The following NFAT5 variants were observed in gnomAD, a reference collection of about 807,000 sequenced individuals.
NFAT5 encodes nuclear factor of activated T cells 5, also known as nuclear factor of activated T-cells 5.
NFAT5 carries 31 observed loss-of-function variants against 166.5 expected under a neutral mutation model. That is an observed-to-expected ratio of 0.19 (90% CI 0.14 to 0.25). The LOEUF is 0.25. Ranked by LOEUF, NFAT5 falls within the 10% of genes least tolerant of loss-of-function variation. The pLI is 1.00. For missense variants in NFAT5, 1,449 were observed against 1,821.8 expected, an observed-to-expected ratio of 0.80 and a Z score of 3.72; for synonymous variants, 612 against 639.7, an observed-to-expected ratio of 0.96 and a Z score of 0.65.
At chr16:69,584,180 C>A (rs576835892) in intron 2 of NFAT5, among the ~76,000 whole-genome samples, 2 of 152,040 alleles carry the variant, frequency 1.3e-5, no homozygotes, top group Non-Finnish European at 2.9e-5. Context: ...GAGCTGAGAT[C>A]GTGCCACTGC....
intron 9 of NFAT5, among the ~76,000 whole-genome samples, chr16:69,676,546 A>G (rs555477933): frequency 6.6e-6 from 1 of 152,302 alleles, no homozygotes; most frequent in Non-Finnish European, 1.5e-5. Flanking sequence ...CTTTTATTCA[A>G]TATGTACCTT....
At chr16:69,653,134 C>A in intron 4 of NFAT5, 102 bp from the exon 5 acceptor site, 1 of 695,810 alleles carries the variant, frequency 1.4e-6, no homozygotes, top group Non-Finnish European at 2.3e-6. Context: ...GTTGTTTTTA[C>A]TATTATTGCC....
chr16:69,658,631 C>T (rs1305820374), intron 6 of NFAT5, among the ~76,000 whole-genome samples: 2 of 151,784 alleles, frequency 1.3e-5, no homozygotes, highest in Non-Finnish European at 2.9e-5. Context: ...AGTTCGAGAC[C>T]AACCTAGGCA....
chr16:69,672,542 C>T (rs2036665616), intron 9 of NFAT5, among the ~76,000 whole-genome samples: 1 of 152,168 alleles, frequency 6.6e-6, no homozygotes, highest in African/African-American at 2.4e-5. Context: ...TATTATAATT[C>T]TTCTGTGTTC....
At chr16:69,598,586 G>T (rs2032945509) in intron 2 of NFAT5, among the ~76,000 whole-genome samples, 1 of 152,080 alleles carries the variant, frequency 6.6e-6, no homozygotes, top group African/African-American at 2.4e-5. Context: ...TTGAAATTGA[G>T]ATGCTTATGG....
intron 2 of NFAT5, among the ~76,000 whole-genome samples, chr16:69,618,747 T>A (rs762477092): frequency 6.6e-5 from 10 of 152,200 alleles, no homozygotes; most frequent in Admixed American, 1.3e-4. Flanking sequence ...AGAGGTTTTT[T>A]TTAAAGTAAA....
rs1370787462 is a variant in NFAT5, at chr16:69,673,007, C to T, written c.1557+2719C>T. Among the ~76,000 whole-genome samples, 15 of 137,442 alleles carry T rather than the reference C, an allele frequency of 1.1e-4. No individual in the cohort carries two copies. In the East Asian group the frequency reaches 3.3e-3, roughly 30 times the overall value. 90.2% of individuals were successfully genotyped at this position (137,442 alleles called of 152,430 possible). A position where few individuals can be genotyped will look rare whatever the true frequency, so the allele number is the denominator to read the frequency against. ...ATTCATAAGTTATCCTCCCTCCCTA[C>T]CTCCATTTTTCTTTCTCTCTCTCTC... On this transcript the variant is annotated intron_variant, in intron 9 of 14. Coordinates refer to ENST00000349945, the MANE Select transcript of NFAT5 (RefSeq NM_138713.4).
intron 9 of NFAT5, among the ~76,000 whole-genome samples, chr16:69,671,849 G>A (rs966990984): frequency 5.3e-5 from 8 of 152,212 alleles, no homozygotes; most frequent in African/African-American, 1.9e-4. Flanking sequence ...AAGCAGGGAA[G>A]CTCACCCAAG....
At chr16:69,687,284 T>TA (rs987643744) in intron 11 of NFAT5, among the ~76,000 whole-genome samples, 27 of 151,850 alleles carry the variant, frequency 1.8e-4, no homozygotes, top group African/African-American at 6.5e-4. Context: ...CTACTAAAAA[T>TA]AAAAAAATTA....
chr16:69,593,251 G>A (rs181611390), intron 2 of NFAT5, among the ~76,000 whole-genome samples: 79 of 152,246 alleles, frequency 5.2e-4, no homozygotes, highest in Non-Finnish European at 9.3e-4. Flanking sequence ...ATAGTGAAAT[G>A]TCTAAGGAGG....
chr16:69,683,899 G>A (rs2037174755), intron 10 of NFAT5, among the ~76,000 whole-genome samples: 1 of 152,134 alleles, frequency 6.6e-6, no homozygotes, highest in Non-Finnish European at 1.5e-5. Context: ...AGGAGTTTGA[G>A]ACCAGCCTGG....
intron 2 of NFAT5, among the ~76,000 whole-genome samples, chr16:69,622,046 A>C (rs368863857): frequency 6.6e-6 from 1 of 152,224 alleles, no homozygotes; most frequent in South Asian, 2.1e-4. Flanking sequence ...AGACTGTAAA[A>C]GCATTTAATT....
chr16:69,666,438 A>T (rs1039575166), intron 7 of NFAT5, among the ~76,000 whole-genome samples: 3 of 151,470 alleles, frequency 2.0e-5, no homozygotes, highest in Non-Finnish European at 4.4e-5. Context: ...AAGGGCTAAT[A>T]TCCAGAATCT....
chr16:69,614,680 T>G (rs1046644969), intron 2 of NFAT5, among the ~76,000 whole-genome samples: 1 of 152,174 alleles, frequency 6.6e-6, no homozygotes, highest in Non-Finnish European at 1.5e-5. Context: ...GCTATCAAAA[T>G]AAAAATTAAC....
intron 2 of NFAT5, among the ~76,000 whole-genome samples, chr16:69,575,107 T>C (rs1328586909): frequency 6.6e-6 from 1 of 152,202 alleles, no homozygotes; most frequent in Non-Finnish European, 1.5e-5. Flanking sequence ...GTATTTAGTT[T>C]TGAAGATGAG....
intron 2 of NFAT5, among the ~76,000 whole-genome samples, chr16:69,625,780 C>T (rs1000188508): frequency 6.6e-6 from 1 of 151,902 alleles, no homozygotes; most frequent in Non-Finnish European, 1.5e-5. Flanking sequence ...ACTGGACCAT[C>T]TTGGGTTATT....
At chr16:69,649,427 T>G in intron 4 of NFAT5, 1 of 984,654 alleles carries the variant, frequency 1.0e-6, no homozygotes, top group Non-Finnish European at 1.2e-6. Flanking sequence ...CTGCTTCTAC[T>G]TTTGTATGAT....
At chr16:69,671,964 A>T (rs114806795) in intron 9 of NFAT5, among the ~76,000 whole-genome samples, 294 of 152,348 alleles carry the variant, frequency 1.9e-3, no homozygotes, top group African/African-American at 6.7e-3. Flanking sequence ...GTGTGTTCCA[A>T]AGCCTCTGTT....
chr16:69,589,434 A>G (rs1306190221), intron 2 of NFAT5, among the ~76,000 whole-genome samples: 1 of 152,216 alleles, frequency 6.6e-6, no homozygotes, highest in Non-Finnish European at 1.5e-5. Context: ...CGTTTTAGCA[A>G]TCGAAATGTG....
Sources: allele counts gnomAD v4.1 joint callset (sites outside exome capture counted in the v4.1 genomes callset), GRCh38; gene constraint gnomAD v4.1.1; transcripts MANE v1.5; gene names NCBI Gene and HGNC (gene_info 2026-07-23, HGNC 2026-07-21).